The following KLRG1 variants were observed in gnomAD, a reference collection of about 807,000 sequenced individuals.
The protein encoded by KLRG1 is killer cell lectin-like receptor subfamily G member 1.
A neutral mutation model predicts 21.8 loss-of-function variants in KLRG1; 16 were observed. That is an observed-to-expected ratio of 0.73 (90% CI 0.50 to 1.11). The LOEUF (loss-of-function observed/expected upper bound fraction) is 1.11. KLRG1 is among the 50% of genes most tolerant of loss of function. KLRG1 has a pLI of 0.00. For synonymous variants in KLRG1, 69 were observed against 75.9 expected (o/e 0.91, Z 0.47); for missense variants, 173 against 218.3 (o/e 0.79, Z 1.31).
At chr12:9,113,453 A>C in the KLRG1 span, 18 of 1,613,898 alleles carry the variant, frequency 1.1e-5, no homozygotes, top group Non-Finnish European at 1.5e-5. Context: ...AAGCACTTAC[A>C]GTCACTGTCT....
At chr12:9,114,616 A>G in the KLRG1 span, among the ~76,000 whole-genome samples, 1 of 151,886 alleles carries the variant, frequency 6.6e-6, no homozygotes, top group Non-Finnish European at 1.5e-5. Flanking sequence ...ATTTATCCTA[A>G]ATTTTTATAT....
the KLRG1 span, among the ~76,000 whole-genome samples, chr12:9,020,786 G>A: frequency 6.6e-6 from 1 of 152,202 alleles, no homozygotes; most frequent in Non-Finnish European, 1.5e-5. Flanking sequence ...TGCCTAGGAA[G>A]TGGCATGGCT....
intron 1 of KLRG1, among the ~76,000 whole-genome samples, chr12:8,962,717 C>CAA (rs34171622): frequency 3.5e-5 from 4 of 113,080 alleles, no homozygotes; most frequent in South Asian, 2.9e-4. Context: ...CCCTGTTTCC[C>CAA]AAAAAAAAAA....
chr12:9,194,905 A>G, the KLRG1 span, among the ~76,000 whole-genome samples: 11 of 152,148 alleles, frequency 7.2e-5, no homozygotes, highest in Non-Finnish European at 1.3e-4. Flanking sequence ...TCTGAACTCT[A>G]CTAGCTAAAA....
At chr12:9,130,635 A>G in the KLRG1 span, among the ~76,000 whole-genome samples, 1 of 152,070 alleles carries the variant, frequency 6.6e-6, no homozygotes, top group East Asian at 1.9e-4. Context: ...GCACACTTTA[A>G]AATCTAGTTA....
chr12:9,196,621 C>G, the KLRG1 span: 4 of 1,613,730 alleles, frequency 2.5e-6, no homozygotes, highest in Non-Finnish European at 3.4e-6. Flanking sequence ...CATTTCAAAG[C>G]CCGTATTTGT....
chr12:9,148,966 T>C, the KLRG1 span: 1 of 1,608,958 alleles, frequency 6.2e-7, no homozygotes, highest in East Asian at 2.2e-5. Flanking sequence ...ACAGCCTGTA[T>C]GGTCCTCAAA....
At chr12:9,202,310 GAT>G in the KLRG1 span, 1 of 1,610,670 alleles carries the variant, frequency 6.2e-7, no homozygotes, top group Middle Eastern at 1.7e-4. Flanking sequence ...ACAGATAGTG[GAT>G]GCTTACCAGT....
At chr12:9,001,132 G>A (rs1012362830) in intron 3 of KLRG1, among the ~76,000 whole-genome samples, 49 of 152,082 alleles carry the variant, frequency 3.2e-4, no homozygotes, top group Admixed American at 2.2e-3. Flanking sequence ...CAAGTAATAT[G>A]CTCTATATTT....
rs984266019 is a variant in KLRG1 at position 9,009,647 on chromosome 12, C to G, written c.*110C>G. The G allele has an allele frequency of 2.8e-5, 42 of 1,473,964 alleles. No individual in the cohort carries two copies. The highest frequency in any genetic ancestry group is 3.7e-5 in the Non-Finnish European group (41 of 1,116,882). The allele number at this position is 1,473,964 out of a possible 1,614,324, so 91.3% of individuals were successfully genotyped here. ...GAGTATATAGTTAGCAAATACTGAA[C>G]TTTCTCAGATATGGCATTAGATGCA... On this transcript the variant is annotated 3_prime_UTR_variant, in exon 5 of 5. Coordinates refer to ENST00000356986, the MANE Select transcript of KLRG1 (RefSeq NM_005810.4).
the KLRG1 span, among the ~76,000 whole-genome samples, chr12:9,188,175 C>T: frequency 1.4e-4 from 21 of 152,164 alleles, no homozygotes; most frequent in Non-Finnish European, 2.8e-4. Context: ...GCTTAGCTAC[C>T]GCGATCAAGT....
chr12:9,075,163 T>C, the KLRG1 span, among the ~76,000 whole-genome samples: 1 of 152,050 alleles, frequency 6.6e-6, no homozygotes, highest in Admixed American at 6.5e-5. Context: ...CTTGTGAGGA[T>C]CACAGATCAC....
the KLRG1 span, among the ~76,000 whole-genome samples, chr12:9,178,725 G>A: frequency 6.6e-6 from 1 of 152,152 alleles, no homozygotes; most frequent in Non-Finnish European, 1.5e-5. Context: ...TGGAAGACAG[G>A]AACAGAAATG....
chr12:9,007,829 A>T (rs1805718), intron 3 of KLRG1, among the ~76,000 whole-genome samples: 138 of 152,360 alleles, frequency 9.1e-4, no homozygotes, highest in African/African-American at 2.7e-3. Flanking sequence ...TTAAGCTGTC[A>T]TTAGAAAATA....
the KLRG1 span, among the ~76,000 whole-genome samples, chr12:9,138,954 A>T: frequency 6.8e-6 from 1 of 146,376 alleles, no homozygotes; most frequent in Middle Eastern, 3.6e-3. Context: ...AATTTTTGTT[A>T]TTTCTTTCTC....
the KLRG1 span, chr12:9,094,948 A>G: frequency 1.6e-6 from 2 of 1,266,804 alleles, no homozygotes; most frequent in Non-Finnish European, 2.2e-6. Flanking sequence ...ATTAGGCAAT[A>G]TATATTTATT....
At chr12:9,056,543 C>T in the KLRG1 span, among the ~76,000 whole-genome samples, 2 of 150,294 alleles carry the variant, frequency 1.3e-5, no homozygotes, top group African/African-American at 5.0e-5. Flanking sequence ...ATTTATATTC[C>T]AGCTGAAATT....
chr12:8,958,219 T>C (rs1946327732), intron 1 of KLRG1, among the ~76,000 whole-genome samples: 2 of 152,162 alleles, frequency 1.3e-5, no homozygotes, highest in African/African-American at 4.8e-5. Context: ...TTGAGTTAAT[T>C]TTTGTGTATA....
chr12:9,151,588 A>C, the KLRG1 span: 1 of 1,609,578 alleles, frequency 6.2e-7, no homozygotes, highest in Non-Finnish European at 8.5e-7. Context: ...CTCAGCCAGG[A>C]TGTCAGAGCC....
Sources: allele counts gnomAD v4.1 joint callset (sites outside exome capture counted in the v4.1 genomes callset), GRCh38; gene constraint gnomAD v4.1.1; transcripts MANE v1.5; gene names NCBI Gene and HGNC (gene_info 2026-07-23, HGNC 2026-07-21).